Variants in ITGBL1 observed in about 807,000 individuals in gnomAD.
The protein encoded by ITGBL1 is integrin subunit beta like 1.
In ITGBL1, 51 loss-of-function variants were observed where a neutral mutation model predicts 68.5. The observed-to-expected ratio is 0.74, with a 90% confidence interval of 0.59 to 0.94. The LOEUF is 0.94. Among genes scored for constraint, ITGBL1 ranks in the 40% least tolerant of loss-of-function variants. The pLI, the probability that ITGBL1 is intolerant of heterozygous loss-of-function variation, is 0.00. For synonymous variants in ITGBL1, 209 were observed against 227.3 expected (o/e 0.92, Z 0.72); for missense variants, 649 against 647.4 (o/e 1.00, Z -0.03).
chr13:101,579,444 T>TG lies in ITGBL1; in HGVS notation c.727+18dup. 1 of 1,611,654 alleles carries TG rather than the reference T, an allele frequency of 6.2e-7. No individual in the cohort carries two copies. Among genetic ancestry groups the TG allele is most frequent in the South Asian group, 1.1e-5 (1 of 90,876 alleles). On this transcript the variant is annotated intron_variant, in intron 5 of 10. Transcript: ENST00000376180. ...GTAACAGAGGTGTGTCATTCATACA[T>TG]GTTACTACATAATGGGGAGGCAAAC...
At chr13:101,653,518 A>G (rs2032819433) in intron 7 of ITGBL1, among the ~76,000 whole-genome samples, 1 of 152,208 alleles carries the variant, frequency 6.6e-6, no homozygotes, top group African/African-American at 2.4e-5. Flanking sequence ...TTAGGTACAT[A>G]TGTGAATTAC....
intron 2 of ITGBL1, among the ~76,000 whole-genome samples, chr13:101,564,810 G>A (rs190110127): frequency 6.6e-6 from 1 of 151,172 alleles, no homozygotes; most frequent in East Asian, 1.9e-4. Context: ...AAATGACTCT[G>A]CAATTTCAAT....
chr13:101,692,916 C>G, intron 8 of ITGBL1: 1 of 475,400 alleles, frequency 2.1e-6, no homozygotes, highest in East Asian at 3.4e-5. Flanking sequence ...GTACGCAGTA[C>G]ACTATCAATA....
intron 7 of ITGBL1, among the ~76,000 whole-genome samples, chr13:101,608,341 A>T (rs932975524): frequency 6.6e-6 from 1 of 150,982 alleles, no homozygotes. Context: ...TTTATTTTTC[A>T]GAGAAGTTTT....
rs1424589941 is a variant in ITGBL1, at chr13:101,716,417, TTAAA to T, written c.*770_*773del. On this transcript the variant is annotated 3_prime_UTR_variant, in exon 11 of 11. Transcript: ENST00000376180. Reference sequence around the variant, plus strand: ...TATGAAAAATGTACAATTTAACATTTTAAATAAATAGTGACAGAAGTTGTTTATA... The same window carrying T: ...TATGAAAAATGTACAATTTAACATTTTAAATAGTGACAGAAGTTGTTTATA... The T allele has an allele frequency of 2.0e-5, 3 of 152,190 alleles. No individual in the cohort carries two copies. Among genetic ancestry groups the T allele is most frequent in the African/African-American group, 4.8e-5 (2 of 41,458 alleles). 9.4% of individuals were successfully genotyped at this position (152,190 alleles called of 1,614,324 possible).
intron 2 of ITGBL1, among the ~76,000 whole-genome samples, chr13:101,538,926 T>C (rs1317750293): frequency 6.6e-6 from 1 of 152,204 alleles, no homozygotes; most frequent in South Asian, 2.1e-4. Context: ...AGATGAATAT[T>C]CTGTGATATA....
chr13:101,659,745 G>A (rs987648606), intron 7 of ITGBL1, among the ~76,000 whole-genome samples: 4 of 152,164 alleles, frequency 2.6e-5, no homozygotes, highest in African/African-American at 7.2e-5. Flanking sequence ...ACAGGTGTGA[G>A]CCACCGCACA....
At chr13:101,554,834 G>C (rs1289147867) in intron 2 of ITGBL1, among the ~76,000 whole-genome samples, 1 of 152,110 alleles carries the variant, frequency 6.6e-6, no homozygotes, top group Non-Finnish European at 1.5e-5. Context: ...ACATTTTTCT[G>C]AATAATAGTG....
At chr13:101,569,988 C>T (rs565158650) in intron 3 of ITGBL1, among the ~76,000 whole-genome samples, 3 of 152,204 alleles carry the variant, frequency 2.0e-5, no homozygotes, top group Non-Finnish European at 2.9e-5. Flanking sequence ...ATTTAACATC[C>T]GCTGATGACA....
intron 7 of ITGBL1, among the ~76,000 whole-genome samples, chr13:101,599,617 G>A (rs1240039382): frequency 1.3e-5 from 2 of 152,112 alleles, no homozygotes; most frequent in African/African-American, 2.4e-5. Context: ...TTTTGTATAA[G>A]GTGTAAGGAA....
intron 7 of ITGBL1, among the ~76,000 whole-genome samples, chr13:101,684,097 A>T (rs2033701753): frequency 6.6e-6 from 1 of 151,660 alleles, no homozygotes; most frequent in South Asian, 2.1e-4. Context: ...TTAGTTACTT[A>T]CTCCAGCACC....
At chr13:101,518,442 C>CA (rs2049230147) in intron 2 of ITGBL1, among the ~76,000 whole-genome samples, 1 of 152,126 alleles carries the variant, frequency 6.6e-6, no homozygotes, top group African/African-American at 2.4e-5. Context: ...AGTTAAGAGT[C>CA]ACGTTTAAAA....
intron 2 of ITGBL1, among the ~76,000 whole-genome samples, chr13:101,502,473 C>G (rs2048959213): frequency 6.6e-6 from 1 of 152,168 alleles, no homozygotes; most frequent in African/African-American, 2.4e-5. Flanking sequence ...TATGTCAAAT[C>G]TTTTCCATCT....
At chr13:101,497,924 G>A (rs2048881042) in intron 2 of ITGBL1, among the ~76,000 whole-genome samples, 1 of 151,292 alleles carries the variant, frequency 6.6e-6, no homozygotes, top group East Asian at 1.9e-4. Flanking sequence ...AAAGATGAAT[G>A]TTCCTTCCAC....
intron 7 of ITGBL1, among the ~76,000 whole-genome samples, chr13:101,605,810 A>G (rs1055989941): frequency 1.8e-4 from 27 of 150,620 alleles, no homozygotes; most frequent in African/African-American, 6.3e-4. Flanking sequence ...TCGTGTGTAG[A>G]CATGTATGTG....
intron 2 of ITGBL1, among the ~76,000 whole-genome samples, chr13:101,498,795 T>C (rs2048895584): frequency 6.6e-6 from 1 of 152,178 alleles, no homozygotes; most frequent in Non-Finnish European, 1.5e-5. Context: ...TTTAGGCTGC[T>C]GATAAAGACG....
rs145205216 is a variant in ITGBL1 at position 101,579,357 on chromosome 13, G to A, written c.657G>A (p.Gln219=). 101 of 1,613,944 alleles carry A rather than the reference G, an allele frequency of 6.3e-5. No individual in the cohort carries two copies. The African/African-American group carries it at 1.2e-3, about 19-fold the overall frequency. Residue 219 remains glutamine, a synonymous_variant, in exon 5 of 11, where the codon CAG becomes CAA. Coordinates refer to ENST00000376180, the MANE Select transcript of ITGBL1 (RefSeq NM_004791.3). ...AGWHGDKCEF[Q]CDITPWESKR... Reference sequence around the variant, plus strand: ...GGCATGGAGATAAATGTGAATTCCAGTGCGATATCACCCCCTGGGAAAGCA... The same window carrying A: ...GGCATGGAGATAAATGTGAATTCCAATGCGATATCACCCCCTGGGAAAGCA...
At chr13:101,610,421 T>C (rs563870943) in intron 7 of ITGBL1, among the ~76,000 whole-genome samples, 4 of 152,166 alleles carry the variant, frequency 2.6e-5, no homozygotes, top group Non-Finnish European at 5.9e-5. Context: ...GGGCTGGTCA[T>C]TGTGCTATAG....
At chr13:101,569,322 A>G (rs2050236193) in intron 3 of ITGBL1, among the ~76,000 whole-genome samples, 1 of 152,164 alleles carries the variant, frequency 6.6e-6, no homozygotes, top group Non-Finnish European at 1.5e-5. Context: ...GATTCTAAAG[A>G]TGTTTAATAT....
Sources: allele counts gnomAD v4.1 joint callset (sites outside exome capture counted in the v4.1 genomes callset), GRCh38; gene constraint gnomAD v4.1.1; transcripts MANE v1.5; gene names NCBI Gene and HGNC (gene_info 2026-07-23, HGNC 2026-07-21).